The following PTPRD variants were observed in gnomAD, a reference collection of about 807,000 sequenced individuals.
PTPRD encodes the protein protein tyrosine phosphatase receptor type D, also known as receptor-type tyrosine-protein phosphatase delta.
Under a neutral mutation model 214.5 loss-of-function variants are expected in PTPRD, and 34 were observed. The observed-to-expected ratio is 0.16, with a 90% confidence interval of 0.12 to 0.21. The LOEUF (loss-of-function observed/expected upper bound fraction) is 0.21, where lower values mean the gene tolerates loss of function less well. Among genes scored for constraint, PTPRD ranks in the 10% least tolerant of loss-of-function variants. The probability of loss-of-function intolerance (pLI) is 1.00; values close to 1 mark genes in which losing one functional copy is unlikely to be tolerated. For missense variants in PTPRD, 2,545 were observed against 2,398.7 expected (o/e 1.06, Z -1.27); for synonymous variants, 1,128 against 845.7 (o/e 1.33, Z -5.79).
chr9:8,397,937 AT>A (rs2091579747), intron 36 of PTPRD, among the ~76,000 whole-genome samples: 1 of 152,084 alleles, frequency 6.6e-6, no homozygotes, highest in Non-Finnish European at 1.5e-5. Context: ...TTGAATTTCC[AT>A]TTAAAAGAAT....
intron 43 of PTPRD, among the ~76,000 whole-genome samples, chr9:8,336,646 A>AAC (rs1554718153): frequency 6.6e-6 from 1 of 150,988 alleles, no homozygotes; most frequent in Non-Finnish European, 1.5e-5. Context: ...AAAAAAAAAA[A>AAC]CTACCATCAG....
At chr9:10,593,936 C>A (rs1017039171) in intron 2 of PTPRD, among the ~76,000 whole-genome samples, 1 of 151,926 alleles carries the variant, frequency 6.6e-6, no homozygotes, top group African/African-American at 2.4e-5. Flanking sequence ...TCTCTCAATG[C>A]CATTACAGTT....
rs963311950 is a variant in PTPRD at position 8,638,103 on chromosome 9, C to CTT, written c.65-1261_65-1260dup. 4.4e-3 allele frequency among the ~76,000 whole-genome samples: 565 copies of CTT among 127,020 alleles called. 6 individuals are homozygous for CTT. Among genetic ancestry groups the CTT allele is most frequent in the African/African-American group, 4.8e-3 (167 of 34,456 alleles). 83.3% of individuals were successfully genotyped at this position (127,020 alleles called of 152,430 possible). A position where few individuals can be genotyped will look rare whatever the true frequency, so the allele number is the denominator to read the frequency against. On this transcript the variant is annotated intron_variant, in intron 12 of 45. Coordinates refer to ENST00000381196, the MANE Select transcript of PTPRD (RefSeq NM_002839.4). ...GCCCCAAAACATTTTGCTGTTCCTT[C>CTT]TTTTTTTTTTTTTTTTTTAATTTCT... is the stretch of plus-strand genomic sequence containing the variant.
At chr9:10,082,700 G>A in intron 3 of PTPRD, among the ~76,000 whole-genome samples, 1 of 151,728 alleles carries the variant, frequency 6.6e-6, no homozygotes, top group East Asian at 1.9e-4. Context: ...AAGAACAGCT[G>A]ACAAACTAAA....
chr9:9,747,025 T>C (rs1255664246), intron 6 of PTPRD, among the ~76,000 whole-genome samples: 1 of 152,112 alleles, frequency 6.6e-6, no homozygotes, highest in East Asian at 1.9e-4. Flanking sequence ...CTGAGCCTCC[T>C]AGAAATGTGG....
chr9:9,136,421 C>G (rs941509715), intron 10 of PTPRD, among the ~76,000 whole-genome samples: 2 of 151,992 alleles, frequency 1.3e-5, no homozygotes, highest in Non-Finnish European at 1.5e-5. Flanking sequence ...AATACAAACA[C>G]TTTCAAATCA....
intron 10 of PTPRD, among the ~76,000 whole-genome samples, chr9:9,112,680 C>G (rs1451730244): frequency 6.6e-6 from 1 of 152,064 alleles, no homozygotes; most frequent in South Asian, 2.1e-4. Context: ...AAATGAAAAG[C>G]TTTTAAGAAA....
At chr9:9,747,830 G>A (rs1230247145) in intron 6 of PTPRD, among the ~76,000 whole-genome samples, 1 of 152,122 alleles carries the variant, frequency 6.6e-6, no homozygotes, top group African/African-American at 2.4e-5. Flanking sequence ...TGGGATTAGA[G>A]ACGTGAGCCA....
At chr9:9,422,522 G>GA (rs1192750239) in intron 8 of PTPRD, among the ~76,000 whole-genome samples, 17 of 152,062 alleles carry the variant, frequency 1.1e-4, no homozygotes, top group Non-Finnish European at 7.4e-5. Context: ...AAAGATCCCG[G>GA]AAGGACGGTA....
chr9:8,938,906 T>A (rs1182041942), intron 11 of PTPRD, among the ~76,000 whole-genome samples: 1 of 152,212 alleles, frequency 6.6e-6, no homozygotes, highest in Non-Finnish European at 1.5e-5. Flanking sequence ...GTAATAATTA[T>A]ATGCTCAGCA....
chr9:10,143,238 A>G (rs1003704668), intron 3 of PTPRD, among the ~76,000 whole-genome samples: 7 of 152,100 alleles, frequency 4.6e-5, no homozygotes, highest in Non-Finnish European at 7.4e-5. Context: ...ACTAATCTGC[A>G]CATTGTGCAC....
At chr9:9,627,899 G>C (rs1274849517) in intron 7 of PTPRD, among the ~76,000 whole-genome samples, 1 of 152,142 alleles carries the variant, frequency 6.6e-6, no homozygotes, top group African/African-American at 2.4e-5. Context: ...TAGAGAAAAA[G>C]TGTATGTTAG....
At chr9:8,766,695 G>A (rs1230378065) in intron 11 of PTPRD, among the ~76,000 whole-genome samples, 1 of 152,076 alleles carries the variant, frequency 6.6e-6, no homozygotes. Context: ...ACCACCACTA[G>A]GAGCATCATC....
At position 8,437,288 on chromosome 9, in the gene PTPRD, C is replaced by CAAAAAAA. The variant is rs201564000; in HGVS notation, c.3989-606_3989-600dup. 29 of 1,296,572 alleles carry CAAAAAAA rather than the reference C, an allele frequency of 2.2e-5. No individual in the cohort carries two copies. In the African/African-American group the frequency reaches 4.2e-4, roughly 19 times the overall value. 80.3% of individuals were successfully genotyped at this position (1,296,572 alleles called of 1,614,324 possible). On this transcript the variant is annotated intron_variant, in intron 34 of 45. Coordinates refer to ENST00000381196, the MANE Select transcript of PTPRD (RefSeq NM_002839.4). ...ATAAAATAAAATAGAACAAATTCTTCAAAAAAAAATGAAATGGAAAGCCTG... is the reference window on the plus strand; with the variant it reads ...ATAAAATAAAATAGAACAAATTCTTCAAAAAAAAAAAAAAAATGAAATGGAAAGCCTG...
chr9:8,354,970 C>G (rs1339309561), intron 39 of PTPRD, among the ~76,000 whole-genome samples: 1 of 152,144 alleles, frequency 6.6e-6, no homozygotes, highest in Non-Finnish European at 1.5e-5. Context: ...TTTTAAAGCA[C>G]TGCCAAAATA....
intron 3 of PTPRD, among the ~76,000 whole-genome samples, chr9:10,335,549 G>C (rs1368266769): frequency 6.6e-6 from 1 of 151,494 alleles, no homozygotes; most frequent in African/African-American, 2.4e-5. Flanking sequence ...GATGACATTA[G>C]ATAGAACAAC....
intron 8 of PTPRD, among the ~76,000 whole-genome samples, chr9:9,493,229 T>C (rs2096001943): frequency 1.3e-5 from 2 of 152,060 alleles, no homozygotes; most frequent in South Asian, 4.1e-4. Context: ...GCCTGTGCTC[T>C]AGAAATGGAA....
chr9:10,421,771 A>G (rs1036920292), intron 2 of PTPRD, among the ~76,000 whole-genome samples: 1 of 151,740 alleles, frequency 6.6e-6, no homozygotes, highest in African/African-American at 2.4e-5. Flanking sequence ...ACTGTTTTTC[A>G]TTCCATTTTG....
intron 11 of PTPRD, among the ~76,000 whole-genome samples, chr9:8,802,478 C>T (rs754217820): frequency 2.0e-5 from 3 of 152,112 alleles, no homozygotes; most frequent in Non-Finnish European, 4.4e-5. Context: ...AAAGGAATCA[C>T]AAAAGAAAGT....
Sources: allele counts gnomAD v4.1 joint callset (sites outside exome capture counted in the v4.1 genomes callset), GRCh38; gene constraint gnomAD v4.1.1; transcripts MANE v1.5; gene names NCBI Gene and HGNC (gene_info 2026-07-23, HGNC 2026-07-21).